Variants in TSEN54 observed in about 807,000 individuals in gnomAD.
The protein encoded by TSEN54 is tRNA splicing endonuclease subunit 54, also known as tRNA-splicing endonuclease subunit Sen54.
A neutral mutation model predicts 61.9 loss-of-function variants in TSEN54; 55 were observed. The observed-to-expected ratio is 0.89, with a 90% CI of 0.72 to 1.11. The LOEUF is 1.11. Among genes scored for constraint, TSEN54 ranks in the 50% most tolerant of loss-of-function variants. The pLI is 0.00. For missense variants in TSEN54, 760 were observed against 687.7 expected (o/e 1.11, Z -1.18); for synonymous variants, 304 against 288.7 (o/e 1.05, Z -0.54).
At chr17:75,523,082 G>A (rs568355277) in intron 8 of TSEN54, 193 bp from the exon 9 acceptor site, 19 of 674,270 alleles carry the variant, frequency 2.8e-5, no homozygotes, top group Non-Finnish European at 5.1e-5. Flanking sequence ...AGGAGGCTGA[G>A]ACAGGAGAAT....
Position 75,516,821 on chromosome 17 carries a change from G to A in TSEN54, c.132G>A (p.Leu44=). The A allele has an allele frequency of 6.3e-7, 1 of 1,592,864 alleles. No individual in the cohort carries two copies. The highest frequency in any genetic ancestry group is 1.3e-5 in the African/African-American group (1 of 74,784). The part of the protein sequence containing the change: ...PQRSHGPKDF[L]PDGSAAQAER... ...GCTCGCATGGCCCCAAGGACTTTCT[G>A]CCCGACGGCTCGGCAGCTCAGGCCG... The change falls in exon 2 of 11, where the codon CTG becomes CTA. Residue 44 remains leucine (L), a synonymous_variant. Coordinates refer to ENST00000333213, the MANE Select transcript of TSEN54 (RefSeq NM_207346.3).
rs201948434 is a variant in TSEN54 at position 75,522,217 on chromosome 17, G to A, written c.1136G>A (p.Arg379Gln). 1.0e-4 allele frequency: 154 copies of A among 1,547,540 alleles called. 1 individual carries two copies. In the East Asian group the frequency reaches 1.4e-3, roughly 14 times the overall value. The part of the protein sequence containing the change: ...DPEVQRCSSW[R>Q]EYKELLQRRQ... The stretch of plus-strand genomic sequence containing the variant: ...GAGGTGCAGCGGTGCTCCAGCTGGC[G>A]GGAGTACAAGGAGCTGCTGCAGCGG... The change falls in exon 8 of 11, where the codon CGG (arginine) becomes CAG (glutamine). Residue 379 changes from arginine to glutamine, a missense_variant. Transcript: ENST00000333213.
At position 75,524,664 on chromosome 17, in the gene TSEN54, CTG is replaced by C. The variant is rs1460625063; in HGVS notation, c.*257_*258del. ...CCAGGAGGTGGGGCAGAAGAGAGGA[CTG>C]TGTGCCTTTAACGAGAGGGTGCCTG... On this transcript the variant is annotated 3_prime_UTR_variant, in exon 11 of 11. Coordinates refer to ENST00000333213, the MANE Select transcript of TSEN54 (RefSeq NM_207346.3). The C allele has an allele frequency of 3.4e-6, 2 of 594,130 alleles. No individual in the cohort carries two copies. Among genetic ancestry groups the C allele is most frequent in the Non-Finnish European group, 6.1e-6 (2 of 330,234 alleles). 36.8% of individuals were successfully genotyped at this position (594,130 alleles called of 1,614,324 possible).
chr17:75,521,034 T>G (rs542307836), intron 6 of TSEN54, among the ~76,000 whole-genome samples: 1 of 151,734 alleles, frequency 6.6e-6, no homozygotes, highest in South Asian at 2.1e-4. Flanking sequence ...CCACAATATA[T>G]TATTGAGTGA....
At chr17:75,517,690 A>C (rs773365328) in intron 5 of TSEN54, 35 bp downstream of exon 5, 5 of 1,543,914 alleles carry the variant, frequency 3.2e-6, no homozygotes, top group Non-Finnish European at 2.7e-6. Context: ...GGAGCCACCC[A>C]TCCACTGAAT....
chr17:75,522,922 C>T (rs1403467158), intron 8 of TSEN54: 9 of 355,806 alleles, frequency 2.5e-5, no homozygotes, highest in African/African-American at 8.4e-5. Context: ...GGCTCATACC[C>T]GTAATCCCAG....
rs1227608431 is a variant in TSEN54, at chr17:75,516,529, T to G, written c.-32T>G. 2.7e-6 allele frequency: 3 copies of G among 1,100,248 alleles called. No homozygotes were observed. Among genetic ancestry groups the G allele is most frequent in the East Asian group, 5.8e-5 (1 of 17,252 alleles). The allele number at this position is 1,100,248 out of a possible 1,614,324, so 68.2% of individuals were successfully genotyped here. On this transcript the variant is annotated 5_prime_UTR_variant, in exon 1 of 11. Transcript: ENST00000333213. ...CGGAGCTCCGGCGGTGGGCGGGGCGTGGCGGCGCGCGCAGCGGCAGGCGGC... is the reference window on the plus strand; with the variant it reads ...CGGAGCTCCGGCGGTGGGCGGGGCGGGGCGGCGCGCGCAGCGGCAGGCGGC...
chr17:75,516,869 A>G lies in TSEN54; in HGVS notation c.180A>G (p.Glu60=). ...CCGAGCGGCTGCGCCGGTGCCGGGA[A>G]GAGCTCTGGCAGCTGCTGGCAGAGC... The part of the protein sequence containing the change: ...AQAERLRRCR[E]ELWQLLAEQR... Residue 60 remains glutamate, a synonymous_variant, in exon 2 of 11, where the codon GAA becomes GAG. Transcript: ENST00000333213. 1.3e-6 allele frequency: 2 copies of G among 1,565,430 alleles called. No homozygotes were observed. The highest frequency in any genetic ancestry group is 2.3e-5 in the East Asian group (1 of 42,928).
rs766232818 is a variant in TSEN54, at chr17:75,517,243, G to C, written c.368G>C (p.Cys123Ser). The change falls in exon 4 of 11, where the codon TGT becomes TCT. Residue 123 changes from cysteine to serine, a missense_variant and splice_region_variant. By Grantham distance (112) the Cys-to-Ser change is moderately radical. Transcript: ENST00000333213. ...GAAGAGGCCTTGTATCTTCTGGAGT[G>C]TGTAAGTGGGGCCCGGGAGGTGGGG... is the stretch of plus-strand genomic sequence containing the variant. ...HPEEALYLLE[C>S]GSIHLFHQDL... The C allele has an allele frequency of 1.8e-5, 29 of 1,593,898 alleles. No individual in the cohort carries two copies. In the South Asian group the frequency reaches 3.1e-4, roughly 17 times the overall value.
At chr17:75,517,776 A>G (rs949913390) in intron 5 of TSEN54, 121 bp downstream of exon 5, 6 of 872,114 alleles carry the variant, frequency 6.9e-6, no homozygotes, top group African/African-American at 1.6e-5. Flanking sequence ...GACGAGGGCT[A>G]TGCTGTCACG....
Position 75,516,550 on chromosome 17 carries a change from G to A in TSEN54, c.-11G>A. Reference sequence around the variant, plus strand: ...GGCGTGGCGGCGCGCGCAGCGGCAGGCGGCGGCGGGATGGAGCCCGAGCCC... The same window carrying A: ...GGCGTGGCGGCGCGCGCAGCGGCAGACGGCGGCGGGATGGAGCCCGAGCCC... On this transcript the variant is annotated 5_prime_UTR_variant, in exon 1 of 11. Transcript: ENST00000333213. 1.8e-6 allele frequency: 2 copies of A among 1,124,574 alleles called. No homozygotes were observed. Among genetic ancestry groups the A allele is most frequent in the Non-Finnish European group, 2.2e-6 (2 of 921,498 alleles). The allele number at this position is 1,124,574 out of a possible 1,614,324, so 69.7% of individuals were successfully genotyped here. A position where few individuals can be genotyped will look rare whatever the true frequency, so the allele number is the denominator to read the frequency against.
chr17:75,517,612 A>AGCT lies in TSEN54; in HGVS notation c.433_435dup (p.Leu145dup), dbSNP rs2053387400. On this transcript the variant is annotated inframe_insertion, in exon 5 of 11. Coordinates refer to ENST00000333213, the MANE Select transcript of TSEN54 (RefSeq NM_207346.3). ...CCACTGTCTATCCAGGAAGCTTACC[A>AGCT]GCTGCTGCTGACCGACCACACTGTG... is the stretch of plus-strand genomic sequence containing the variant. 2 of 1,613,580 alleles carry AGCT rather than the reference A, an allele frequency of 1.2e-6. No individual in the cohort carries two copies. The highest frequency in any genetic ancestry group is 1.7e-6 in the Non-Finnish European group (2 of 1,179,968).
At chr17:75,517,101 C>CGCCCTCCCT (rs58038334) in intron 3 of TSEN54, 29 bp downstream of exon 3, 52 of 1,548,834 alleles carry the variant, frequency 3.4e-5, no homozygotes, top group East Asian at 1.2e-4. Context: ...GACCGGGGAC[C>CGCCCTCCCT]GCCCTCCCTG....
intron 6 of TSEN54, among the ~76,000 whole-genome samples, chr17:75,520,375 G>C (rs1487845817): frequency 1.3e-5 from 2 of 148,374 alleles, no homozygotes. Context: ...TACGAGACCA[G>C]CCTGGACAGC....
At chr17:75,523,826 T>C (rs757668511) in intron 10 of TSEN54, 47 bp downstream of exon 10, 1 of 1,597,122 alleles carries the variant, frequency 6.3e-7, no homozygotes, top group Non-Finnish European at 8.5e-7. Flanking sequence ...CTGCCAGTTC[T>C]CCTGTGAACC....
At chr17:75,523,390 G>A in intron 9 of TSEN54, 55 bp downstream of exon 9, 1 of 1,613,100 alleles carries the variant, frequency 6.2e-7, no homozygotes, top group Non-Finnish European at 8.5e-7. Context: ...GGAGTTGGTG[G>A]TTAGGAACTG....
chr17:75,518,510 GA>G, intron 5 of TSEN54: 1 of 985,284 alleles, frequency 1.0e-6, no homozygotes, highest in African/African-American at 1.7e-5. Context: ...GATCAAGCAG[GA>G]TGGGGGACAT....
rs181030681 is a variant in TSEN54 at position 75,523,493 on chromosome 17, A to G, written c.1313+158A>G. 450 of 1,596,242 alleles carry G rather than the reference A, an allele frequency of 2.8e-4. No individual in the cohort carries two copies. The African/African-American group carries it at 3.7e-3, about 13-fold the overall frequency. ...CAATAACTAGTGTTCGTGTGTGTCT[A>G]GGGAAGAGGGAGAATAACCAGTGGG... is the stretch of plus-strand genomic sequence containing the variant. On this transcript the variant is annotated intron_variant, in intron 9 of 10. Coordinates refer to ENST00000333213, the MANE Select transcript of TSEN54 (RefSeq NM_207346.3).
chr17:75,522,952 G>A (rs780244623), intron 8 of TSEN54: 50 of 382,320 alleles, frequency 1.3e-4, no homozygotes, highest in African/African-American at 2.1e-4. Context: ...AGGCCGAGGC[G>A]GGCAGATCAC....
Sources: gnomAD v4.1 joint callset for allele counts (sites outside exome capture counted in the v4.1 genomes callset) on GRCh38, gnomAD v4.1.1 for gene constraint, MANE v1.5 for transcripts, NCBI Gene and HGNC (gene_info 2026-07-23, HGNC 2026-07-21) for gene names.